PRKAR1A: variants seen among roughly 807,000 people sequenced by gnomAD.
PRKAR1A encodes cAMP-dependent protein kinase type I-alpha regulatory subunit.
A neutral mutation model predicts 52.0 loss-of-function variants in PRKAR1A; 3 were observed. The ratio of observed to expected loss-of-function variants is 0.06; its 90% CI spans 0.03 to 0.15. The LOEUF is 0.15. Ranked by LOEUF, PRKAR1A falls within the 10% of genes least tolerant of loss-of-function variation. The pLI is 1.00. For synonymous variants in PRKAR1A, 188 were observed against 168.4 expected (o/e 1.12, Z -0.90); for missense variants, 240 against 477.4 (o/e 0.50, Z 4.63).
the PRKAR1A span, among the ~76,000 whole-genome samples, chr17:68,452,471 A>G: frequency 1.3e-5 from 2 of 152,202 alleles, no homozygotes; most frequent in South Asian, 4.1e-4. Context: ...AGGCTGAGGC[A>G]GGAGAATCAC....
intron 8 of PRKAR1A, chr17:68,528,621 T>C: frequency 1.9e-6 from 1 of 520,136 alleles, no homozygotes; most frequent in Non-Finnish European, 3.4e-6. Context: ...TCCCTTGCCA[T>C]TTGGTACAGT....
Position 68,531,244 on chromosome 17 carries a change from G to T in PRKAR1A, c.*795G>T, listed in dbSNP as rs150031305. 1,588 of 1,066,370 alleles carry T rather than the reference G, an allele frequency of 1.5e-3. 21 individuals carry two copies. The African/African-American group carries it at 0.016, about 11-fold the overall frequency. 66.1% of individuals were successfully genotyped at this position (1,066,370 alleles called of 1,614,324 possible). A position where few individuals can be genotyped will look rare whatever the true frequency, so the allele number is the denominator to read the frequency against. On this transcript the variant is annotated 3_prime_UTR_variant, in exon 11 of 11. Coordinates refer to ENST00000589228, the MANE Select transcript of PRKAR1A (RefSeq NM_002734.5). ...TTCCGATTAGACCTTTATCCAGCTA[G>T]TGCCAAATAATTGATCAGATGCTGA...
At chr17:68,498,786 G>C in the PRKAR1A span, among the ~76,000 whole-genome samples, 7 of 152,208 alleles carry the variant, frequency 4.6e-5, no homozygotes, top group African/African-American at 1.7e-4. Flanking sequence ...AACATCCTCA[G>C]TTTCAGTCTT....
At chr17:68,477,092 G>A in the PRKAR1A span, among the ~76,000 whole-genome samples, 1 of 152,148 alleles carries the variant, frequency 6.6e-6, no homozygotes, top group African/African-American at 2.4e-5. Flanking sequence ...TGGTACAATA[G>A]AGAAGTCCCA....
At chr17:68,472,051 G>A in the PRKAR1A span, among the ~76,000 whole-genome samples, 4 of 152,142 alleles carry the variant, frequency 2.6e-5, no homozygotes, top group South Asian at 2.1e-4. Flanking sequence ...CAATCCGCCC[G>A]CCTGGGCCTC....
chr17:68,541,804 A>G, intron 11 of PRKAR1A: 2 of 684,530 alleles, frequency 2.9e-6, no homozygotes, highest in Non-Finnish European at 4.9e-6. Context: ...TTTAGAACTG[A>G]ATAAATGAAC....
chr17:68,546,653 AC>A (rs2143577835), intron 11 of PRKAR1A, among the ~76,000 whole-genome samples: 1 of 152,044 alleles, frequency 6.6e-6, no homozygotes, highest in East Asian at 1.9e-4. Flanking sequence ...ACACGGTGAA[AC>A]CCTGTCTCTA....
At chr17:68,450,321 C>T in the PRKAR1A span, among the ~76,000 whole-genome samples, 1 of 152,202 alleles carries the variant, frequency 6.6e-6, no homozygotes, top group South Asian at 2.1e-4. Flanking sequence ...ATCTCCTGCT[C>T]AGTGGTATTG....
At chr17:68,481,163 C>T in the PRKAR1A span, among the ~76,000 whole-genome samples, 1 of 152,088 alleles carries the variant, frequency 6.6e-6, no homozygotes, top group East Asian at 1.9e-4. Flanking sequence ...TTGAGGTTTC[C>T]CTTTCCTCTT....
At chr17:68,466,090 G>A in the PRKAR1A span, among the ~76,000 whole-genome samples, 5 of 152,056 alleles carry the variant, frequency 3.3e-5, no homozygotes, top group Non-Finnish European at 5.9e-5. Context: ...GTGCAAATGG[G>A]CCTGTCGTGC....
At chr17:68,497,715 A>G in the PRKAR1A span, among the ~76,000 whole-genome samples, 4 of 152,328 alleles carry the variant, frequency 2.6e-5, no homozygotes, top group South Asian at 8.3e-4. Flanking sequence ...TGAAGCTTAG[A>G]TGGATCAAGT....
In PRKAR1A at chr17:68,524,202, A is replaced by G. The variant is rs1480573526; in HGVS notation, c.502+125A>G. The G allele has an allele frequency of 1.7e-5, 15 of 865,590 alleles. No individual in the cohort carries two copies. The South Asian group carries it at 2.3e-4, about 14-fold the overall frequency. 53.6% of individuals were successfully genotyped at this position (865,590 alleles called of 1,614,324 possible). A position where few individuals can be genotyped will look rare whatever the true frequency, so the allele number is the denominator to read the frequency against. On this transcript the variant is annotated intron_variant, in intron 5 of 10. Transcript: ENST00000589228. ...CCTACCACTTTTTTTTTTCTGTTATACTATTGGATTTTTCTATTTCTTTTA... is the reference window on the plus strand; with the variant it reads ...CCTACCACTTTTTTTTTTCTGTTATGCTATTGGATTTTTCTATTTCTTTTA...
chr17:68,464,314 A>T, the PRKAR1A span, among the ~76,000 whole-genome samples: 1 of 152,120 alleles, frequency 6.6e-6, no homozygotes, highest in Non-Finnish European at 1.5e-5. Context: ...TGTTTCTTCT[A>T]CCTTTCCCTT....
At chr17:68,469,162 C>T in the PRKAR1A span, among the ~76,000 whole-genome samples, 78 of 151,956 alleles carry the variant, frequency 5.1e-4, 1 homozygote, top group South Asian at 0.015. Context: ...TATCCCACAC[C>T]AAAACAGGAA....
chr17:68,547,429 A>G (rs1023333601), intron 11 of PRKAR1A, among the ~76,000 whole-genome samples: 6 of 152,178 alleles, frequency 3.9e-5, no homozygotes, highest in South Asian at 2.1e-4. Flanking sequence ...TCTTCTTCCA[A>G]TAGAAGGCTG....
the PRKAR1A span, chr17:68,426,254 G>GGGGGCCCCCCCCCCCC: frequency 1.2e-6 from 1 of 816,922 alleles, no homozygotes; most frequent in Non-Finnish European, 1.9e-6. Context: ...GGGAGCGGGG[G>GGGGGCCCCCCCCCCCC]CTCAAATAAA....
the PRKAR1A span, among the ~76,000 whole-genome samples, chr17:68,417,562 A>G: frequency 1.3e-5 from 2 of 151,676 alleles, no homozygotes; most frequent in Non-Finnish European, 2.9e-5. Flanking sequence ...TGTCAATTAC[A>G]GTTCAGGGCT....
the PRKAR1A span, among the ~76,000 whole-genome samples, chr17:68,456,715 C>G: frequency 3.3e-5 from 5 of 152,178 alleles, no homozygotes; most frequent in Admixed American, 2.6e-4. Flanking sequence ...TCCTGCCTGG[C>G]TGGGTGGGCG....
chr17:68,508,033 T>C (rs1231693042), upstream of PRKAR1A, among the ~76,000 whole-genome samples: 1 of 151,738 alleles, frequency 6.6e-6, no homozygotes, highest in East Asian at 2.0e-4. Flanking sequence ...ATTACTCTCT[T>C]TAATGTTTGT....
Sources: allele counts gnomAD v4.1 joint callset (sites outside exome capture counted in the v4.1 genomes callset), GRCh38; gene constraint gnomAD v4.1.1; transcripts MANE v1.5; gene names NCBI Gene and HGNC (gene_info 2026-07-23, HGNC 2026-07-21).